The following PPIH variants were observed in gnomAD, a reference collection of about 807,000 sequenced individuals.
PPIH encodes peptidyl-prolyl cis-trans isomerase H.
Under a neutral mutation model 27.6 loss-of-function variants are expected in PPIH, and 16 were observed. The ratio of observed to expected loss-of-function variants is 0.58; its 90% CI spans 0.39 to 0.88. The LOEUF is 0.88. Ranked by LOEUF, PPIH falls within the 40% of genes least tolerant of loss-of-function variation. The pLI is 0.00. For synonymous variants in PPIH, 63 were observed against 76.1 expected (o/e 0.83, Z 0.90); for missense variants, 155 against 224.1 (o/e 0.69, Z 1.97).
intron 8 of PPIH, 53 bp downstream of exon 8, chr1:42,666,640 C>CTT (rs1446832791): frequency 6.4e-7 from 1 of 1,560,814 alleles, no homozygotes; most frequent in African/African-American, 1.4e-5. Context: ...CTGGTACTGT[C>CTT]TGACTAGCGT....
intron 4 of PPIH, among the ~76,000 whole-genome samples, chr1:42,660,477 T>A (rs1648946627): frequency 6.6e-6 from 1 of 152,202 alleles, no homozygotes; most frequent in South Asian, 2.1e-4. Flanking sequence ...TCGCCCAGGC[T>A]AAAGTGCAGT....
chr1:42,660,980 T>C, intron 5 of PPIH, 76 bp downstream of exon 5: 1 of 1,315,202 alleles, frequency 7.6e-7, no homozygotes. Context: ...CTGTTTTTAC[T>C]ACAGAGACCC....
At chr1:42,677,529 C>T (rs1649926543), downstream of PPIH, among the ~76,000 whole-genome samples, 1 of 152,058 alleles carries the variant, frequency 6.6e-6, no homozygotes, top group Non-Finnish European at 1.5e-5. Flanking sequence ...TCTCACTTAG[C>T]TGGGTGCTGT....
intron 9 of PPIH, among the ~76,000 whole-genome samples, chr1:42,671,383 G>A (rs1447886228): frequency 6.6e-6 from 1 of 152,134 alleles, no homozygotes; most frequent in Non-Finnish European, 1.5e-5. Context: ...AGCCAAGATT[G>A]TGCCATTGCA....
intron 9 of PPIH, among the ~76,000 whole-genome samples, chr1:42,675,117 T>C (rs1237191303): frequency 6.6e-6 from 1 of 152,244 alleles, no homozygotes; most frequent in Non-Finnish European, 1.5e-5. Flanking sequence ...CTTTCAGGAA[T>C]CTCTGCAGTG....
chr1:42,678,822 G>C (rs1180911650), downstream of PPIH: 1 of 152,172 alleles, frequency 6.6e-6, no homozygotes, highest in Non-Finnish European at 1.5e-5. Context: ...ATGAGAGGAA[G>C]AGGGAAAAAA....
chr1:42,670,320 A>AAT (rs1649560586), intron 9 of PPIH, among the ~76,000 whole-genome samples: 2 of 152,276 alleles, frequency 1.3e-5, no homozygotes, highest in South Asian at 4.1e-4. Flanking sequence ...TCTTTGCTGT[A>AAT]ACTAAAGTTG....
chr1:42,678,332 A>G (rs1247610256), downstream of PPIH, among the ~76,000 whole-genome samples: 1 of 152,170 alleles, frequency 6.6e-6, no homozygotes, highest in African/African-American at 2.4e-5. Flanking sequence ...GATAGGAGAC[A>G]GGGACAGTTT....
In PPIH at chr1:42,658,903, C is replaced by T. The variant is rs774759681; in HGVS notation, c.126C>T (p.Asn42=). The change falls in exon 2 of 10, where the codon AAC becomes AAT. Residue 42 remains asparagine (N), a synonymous_variant. Transcript: ENST00000304979. ...ACGTTGTGCCTAAGACGGCCGAGAA[C>T]TTTAGGTAAGGACGTGCTCCAGCTC... ...FADVVPKTAE[N]FRQFCTGEFR... is the part of the protein sequence containing the mutation. 18 of 1,614,084 alleles carry T rather than the reference C, an allele frequency of 1.1e-5. No homozygotes were observed. Among genetic ancestry groups the T allele is most frequent in the Non-Finnish European group, 1.4e-5 (17 of 1,180,012 alleles).
chr1:42,672,633 A>G (rs75876044), intron 9 of PPIH, among the ~76,000 whole-genome samples: 1,982 of 152,136 alleles, frequency 0.013, 45 homozygotes, highest in African/African-American at 0.045. Context: ...TTTAGTGAAA[A>G]TGAAGTTTTG....
At chr1:42,658,645 G>A in intron 1 of PPIH, 133 bp downstream of exon 1, 1 of 1,178,888 alleles carries the variant, frequency 8.5e-7, no homozygotes, top group Admixed American at 2.2e-5. Flanking sequence ...CTACCGACCT[G>A]CCGGGCGGGG....
At chr1:42,676,426 C>A (rs1359237937) in intron 9 of PPIH, among the ~76,000 whole-genome samples, 158 bp from the exon 10 acceptor site, 1 of 151,818 alleles carries the variant, frequency 6.6e-6, no homozygotes, top group Admixed American at 6.6e-5. Flanking sequence ...CGAGATCGCG[C>A]CACTGTACTC....
intron 9 of PPIH, among the ~76,000 whole-genome samples, chr1:42,668,306 T>G (rs923829344): frequency 8.5e-5 from 13 of 152,138 alleles, no homozygotes; most frequent in African/African-American, 3.1e-4. Flanking sequence ...TTTGTTTTTT[T>G]CTTTCCCTTC....
intron 5 of PPIH, among the ~76,000 whole-genome samples, chr1:42,664,569 C>T (rs1019219310): frequency 1.3e-5 from 2 of 152,170 alleles, no homozygotes; most frequent in Non-Finnish European, 2.9e-5. Context: ...ATGTGATCAC[C>T]TTGTTGCTGT....
At chr1:42,658,560 G>C (rs772129469) in intron 1 of PPIH, 48 bp downstream of exon 1, 1 of 1,576,370 alleles carries the variant, frequency 6.3e-7, no homozygotes, top group Non-Finnish European at 8.7e-7. Context: ...GAAACTGCTC[G>C]GGGCTAGGCA....
chr1:42,667,434 G>A lies in PPIH; in HGVS notation c.*15G>A, dbSNP rs780846604. On this transcript the variant is annotated 3_prime_UTR_variant, in exon 9 of 10. Transcript: ENST00000304979. ...GGGAGATGTAGTCCAGACAAAGACT[G>A]AATCAGGTAAGTGTGTCTTTCTCCT... The A allele has an allele frequency of 1.0e-5, 16 of 1,573,160 alleles. No individual in the cohort carries two copies. Among genetic ancestry groups the A allele is most frequent in the African/African-American group, 5.4e-5 (4 of 73,898 alleles).
chr1:42,659,590 T>G (rs1648888870), intron 4 of PPIH, 24 bp downstream of exon 4: 10 of 1,601,572 alleles, frequency 6.2e-6, no homozygotes, highest in Non-Finnish European at 8.5e-6. Flanking sequence ...CAAGCCATCC[T>G]GGAGTCTTTC....
At chr1:42,667,963 C>T (rs1330845522) in intron 9 of PPIH, among the ~76,000 whole-genome samples, 2 of 152,220 alleles carry the variant, frequency 1.3e-5, no homozygotes, top group Non-Finnish European at 2.9e-5. Flanking sequence ...ATTTCTTACC[C>T]GTAATTACCA....
At chr1:42,669,520 C>G (rs1185526190) in intron 9 of PPIH, among the ~76,000 whole-genome samples, 1 of 152,188 alleles carries the variant, frequency 6.6e-6, no homozygotes, top group African/African-American at 2.4e-5. Context: ...TGGTCCCCAC[C>G]TCAAGTGGTC....
Sources: allele counts gnomAD v4.1 joint callset (sites outside exome capture counted in the v4.1 genomes callset), GRCh38; gene constraint gnomAD v4.1.1; transcripts MANE v1.5; gene names NCBI Gene and HGNC (gene_info 2026-07-23, HGNC 2026-07-21).